Variants in PRKDC observed in about 807,000 individuals in gnomAD.
The protein encoded by PRKDC is protein kinase, DNA-activated, catalytic subunit.
Under a neutral mutation model 486.9 loss-of-function variants are expected in PRKDC, and 82 were observed. The observed-to-expected ratio is 0.17, with a 90% CI of 0.14 to 0.20. PRKDC has a LOEUF of 0.20. PRKDC is among the 10% of genes least tolerant of loss of function. PRKDC has a pLI of 1.00. For missense variants in PRKDC, 4,504 were observed against 5,038.2 expected, an observed-to-expected ratio of 0.89 and a Z score of 3.21; for synonymous variants, 1,895 against 1,837.0, an observed-to-expected ratio of 1.03 and a Z score of -0.81.
intron 32 of PRKDC, 126 bp downstream of exon 32, chr8:47,890,131 T>C: frequency 9.0e-6 from 2 of 221,880 alleles, no homozygotes; most frequent in Non-Finnish European, 6.9e-6. Context: ...GGATGAAATA[T>C]AATAATAATA....
intron 7 of PRKDC, among the ~76,000 whole-genome samples, chr8:47,945,325 C>A (rs1317060737): frequency 6.6e-6 from 1 of 152,216 alleles, no homozygotes; most frequent in African/African-American, 2.4e-5. Flanking sequence ...CATATTCACA[C>A]TGTTGTGTAA....
At chr8:47,909,843 A>C (rs560000179) in intron 25 of PRKDC, among the ~76,000 whole-genome samples, 1 of 152,216 alleles carries the variant, frequency 6.6e-6, no homozygotes, top group East Asian at 1.9e-4. Context: ...CAGCCTGGTA[A>C]ATTCTAGTCA....
chr8:47,797,481 A>G (rs1429718050), intron 73 of PRKDC, among the ~76,000 whole-genome samples: 3 of 152,206 alleles, frequency 2.0e-5, no homozygotes, highest in Non-Finnish European at 4.4e-5. Context: ...CGCAGCCCAG[A>G]GATCAACATT....
At chr8:47,897,776 C>G (rs544010365) in intron 29 of PRKDC, among the ~76,000 whole-genome samples, 31 of 152,306 alleles carry the variant, frequency 2.0e-4, no homozygotes, top group African/African-American at 6.7e-4. Context: ...AACCAATGAA[C>G]TAAACTGATA....
chr8:47,822,566 G>A (rs1455923064), intron 64 of PRKDC, among the ~76,000 whole-genome samples: 1 of 151,690 alleles, frequency 6.6e-6, no homozygotes, highest in East Asian at 2.0e-4. Context: ...CGAGGCGGGC[G>A]GATCACAAGG....
At chr8:47,879,871 C>T in intron 38 of PRKDC, among the ~76,000 whole-genome samples, 1 of 123,558 alleles carries the variant, frequency 8.1e-6, no homozygotes, top group Non-Finnish European at 1.6e-5. Context: ...GACAGAGTCT[C>T]ACTCTGTCAC....
chr8:47,874,948 A>C (rs994494747), intron 40 of PRKDC, among the ~76,000 whole-genome samples: 1 of 151,938 alleles, frequency 6.6e-6, no homozygotes, highest in African/African-American at 2.4e-5. Flanking sequence ...CCAGCTACTC[A>C]CGAGGCTGAA....
rs1296344234 is a variant in PRKDC, at chr8:47,830,623, C to T, written c.8379G>A (p.Pro2793=). The T allele has an allele frequency of 1.2e-6, 2 of 1,613,736 alleles. No homozygotes were observed. The highest frequency in any genetic ancestry group is 1.7e-5 in the Admixed American group (1 of 59,988). ...AACTGACCTGGGCCACGGCCTGTAACGGGGTGATGAGGCTGCTGTGCTTGA... is the reference window on the plus strand; with the variant it reads ...AACTGACCTGGGCCACGGCCTGTAATGGGGTGATGAGGCTGCTGTGCTTGA... ...IQIKHSSLIT[P]LQAVAQRDPI... is the part of the protein sequence containing the mutation. Residue 2793 remains proline, a synonymous_variant, in exon 61 of 86, where the codon CCG becomes CCA. Coordinates refer to ENST00000314191, the MANE Select transcript of PRKDC (RefSeq NM_006904.7).
Position 47,821,764 on chromosome 8 carries a change from C to G in PRKDC, c.8951G>C (p.Gly2984Ala), listed in dbSNP as rs1400796634. The change falls in exon 65 of 86, where the codon GGT (glycine) becomes GCT (alanine). Residue 2984 changes from glycine (G) to alanine (A), a missense_variant. Physicochemically the swap from Gly to Ala is moderately conservative, Grantham distance 60. Around this residue, in one of 6 missense-constraint regions of PRKDC, gnomAD observed 1,592 missense variants for 1,724.6 expected, o/e 0.92. Coordinates refer to ENST00000314191, the MANE Select transcript of PRKDC (RefSeq NM_006904.7). The stretch of plus-strand genomic sequence containing the variant: ...ATCCTTCTCGGCTTCTGTGGGCTCA[C>G]CATCTACCCAGTCTTGTTTATTGAG... Reference protein sequence around the residue: ...EALNKQDWVDGEPTEAEKDFW... With the variant: ...EALNKQDWVDAEPTEAEKDFW... 1 of 1,583,192 alleles carries G rather than the reference C, an allele frequency of 6.3e-7. No homozygotes were observed. The highest frequency in any genetic ancestry group is 8.6e-7 in the Non-Finnish European group (1 of 1,168,008).
chr8:47,927,976 T>C (rs1449165284), intron 19 of PRKDC, 86 bp from the exon 20 acceptor site: 7 of 1,238,606 alleles, frequency 5.7e-6, no homozygotes, highest in Non-Finnish European at 7.2e-6. Context: ...TATTCTCAAA[T>C]ACAAAAATTG....
rs764988098 is a variant in PRKDC at position 47,912,442 on chromosome 8, C to T, written c.2902G>A (p.Val968Met). Residue 968 changes from valine to methionine, a missense_variant, in exon 25 of 86, where the codon GTG becomes ATG. Val to Met is a conservative substitution (Grantham distance 21). Transcript: ENST00000314191. ...ACATCACACGCAAGTCGAAGCAGCA[C>T]AGGAAACGTCCGCTTATAGAGCTGG... Reference protein sequence around the residue: ...MYQLYKRTFPVLLRLACDVDQ... With the variant: ...MYQLYKRTFPMLLRLACDVDQ... 8 of 1,605,436 alleles carry T rather than the reference C, an allele frequency of 5.0e-6. No homozygotes were observed. Among genetic ancestry groups the T allele is most frequent in the African/African-American group, 2.7e-5 (2 of 74,490 alleles).
chr8:47,886,245 C>T (rs559431205), intron 35 of PRKDC, 98 bp from the exon 36 acceptor site: 267 of 1,001,416 alleles, frequency 2.7e-4, no homozygotes, highest in Non-Finnish European at 3.5e-4. Flanking sequence ...TGGAAAATGA[C>T]ACAGGTCTAA....
chr8:47,931,633 G>A (rs977058231), intron 16 of PRKDC, among the ~76,000 whole-genome samples: 14 of 152,048 alleles, frequency 9.2e-5, no homozygotes, highest in African/African-American at 3.4e-4. Flanking sequence ...TGTGACCACC[G>A]GCTTGTACTG....
chr8:47,792,006 T>C (rs2086890570), intron 74 of PRKDC, among the ~76,000 whole-genome samples: 4 of 152,132 alleles, frequency 2.6e-5, no homozygotes, highest in Non-Finnish European at 5.9e-5. Flanking sequence ...TAGAGTACTA[T>C]TTAGCCATAA....
intron 25 of PRKDC, among the ~76,000 whole-genome samples, chr8:47,908,936 G>A (rs2089844457): frequency 6.6e-6 from 1 of 151,970 alleles, no homozygotes; most frequent in Admixed American, 6.6e-5. Context: ...CTCTAGTCAG[G>A]CTCCTCTGAA....
chr8:47,896,424 G>A (rs950052142), intron 30 of PRKDC, among the ~76,000 whole-genome samples: 39 of 152,096 alleles, frequency 2.6e-4, no homozygotes, highest in African/African-American at 8.2e-4. Context: ...AAGGCGGGTG[G>A]ATCACGAGGT....
intron 1 of PRKDC, chr8:47,959,313 A>C (rs1589822629): frequency 6.6e-6 from 1 of 152,212 alleles, no homozygotes; most frequent in African/African-American, 2.4e-5. Flanking sequence ...AATTTTTCTC[A>C]AAGTAGGAAC....
intron 45 of PRKDC, among the ~76,000 whole-genome samples, chr8:47,860,335 T>C (rs1016022535): frequency 1.3e-5 from 2 of 151,970 alleles, no homozygotes; most frequent in African/African-American, 4.8e-5. Context: ...GGGTTGAGGG[T>C]ATTAGAGGAA....
Position 47,834,177 on chromosome 8 carries a change from A to G in PRKDC, c.8152+19T>C, listed in dbSNP as rs573828731. The G allele has an allele frequency of 6.2e-7, 1 of 1,613,888 alleles. No homozygotes were observed. The highest frequency in any genetic ancestry group is 2.2e-5 in the East Asian group (1 of 44,870). On this transcript the variant is annotated intron_variant, in intron 59 of 85. Transcript: ENST00000314191. ...TTAGTGGGGAAGCTATTTTAAGCAC[A>G]CTCAGCAACCCAGCTTACCTTTCAC...
Sources: allele counts gnomAD v4.1 joint callset (sites outside exome capture counted in the v4.1 genomes callset), GRCh38; gene constraint gnomAD v4.1.1; regional missense constraint gnomAD v4.1.1; transcripts MANE v1.5; gene names NCBI Gene and HGNC (gene_info 2026-07-23, HGNC 2026-07-21).